LSM4: variants seen among roughly 807,000 people sequenced by gnomAD.
LSM4 encodes the protein LSM4 homolog, U6 small nuclear RNA and mRNA degradation associated, also known as U6 snRNA-associated Sm-like protein LSm4.
Under a neutral mutation model 22.3 loss-of-function variants are expected in LSM4, and 15 were observed. That is an observed-to-expected ratio of 0.67 (90% CI 0.45 to 1.03). The LOEUF (loss-of-function observed/expected upper bound fraction) is 1.03. Ranked by LOEUF, LSM4 falls within the 50% of genes least tolerant of loss-of-function variation. The pLI is 0.00. For missense variants in LSM4, 127 were observed against 198.0 expected, an observed-to-expected ratio of 0.64 and a Z score of 2.15; for synonymous variants, 90 against 79.8, an observed-to-expected ratio of 1.13 and a Z score of -0.68.
chr19:18,308,007 G>A (rs1328221795), intron 4 of LSM4, among the ~76,000 whole-genome samples: 1 of 152,062 alleles, frequency 6.6e-6, no homozygotes, highest in African/African-American at 2.4e-5. Context: ...CTGCCAGGAG[G>A]AAAACAGAAA....
At chr19:18,322,690 G>A (rs1247781118) in intron 1 of LSM4, among the ~76,000 whole-genome samples, 1 of 151,324 alleles carries the variant, frequency 6.6e-6, no homozygotes. Flanking sequence ...CCCCTTCCCT[G>A]CCCAAAAACT....
intron 4 of LSM4, among the ~76,000 whole-genome samples, chr19:18,308,243 C>T (rs530828073): frequency 2.6e-5 from 4 of 152,226 alleles, no homozygotes; most frequent in East Asian, 1.9e-4. Flanking sequence ...GCAGGCTGCA[C>T]GCAGGGCACG....
chr19:18,309,526 TG>T, intron 4 of LSM4, 151 bp downstream of exon 4: 2 of 788,400 alleles, frequency 2.5e-6, no homozygotes, highest in Non-Finnish European at 3.9e-6. Flanking sequence ...CTCCTCTGCC[TG>T]GGCCTCGGCT....
At chr19:18,318,431 C>T (rs1019030532) in intron 1 of LSM4, among the ~76,000 whole-genome samples, 2 of 152,212 alleles carry the variant, frequency 1.3e-5, no homozygotes, top group African/African-American at 2.4e-5. Context: ...CATGTGGCCC[C>T]GGGGCAGCTG....
At chr19:18,322,322 G>A (rs1466983627) in intron 1 of LSM4, among the ~76,000 whole-genome samples, 2 of 152,168 alleles carry the variant, frequency 1.3e-5, no homozygotes, top group South Asian at 2.1e-4. Flanking sequence ...CACAGTGGGG[G>A]ACACGGGCAC....
In LSM4 at chr19:18,307,242, C is replaced by T. The variant is rs150380044; in HGVS notation, c.*222G>A. 6.4e-5 allele frequency: 27 copies of T among 424,396 alleles called. No individual in the cohort carries two copies. In the East Asian group the frequency reaches 7.2e-4, roughly 11 times the overall value. The allele number at this position is 424,396 out of a possible 1,614,324, so 26.3% of individuals were successfully genotyped here. On this transcript the variant is annotated 3_prime_UTR_variant, in exon 5 of 5. Transcript: ENST00000593829. ...TCTAGGAATCCAGCCAGTTTTGGGACGGCCGTTTCACAAAACCAAAAAACA... is the reference window on the plus strand; with the variant it reads ...TCTAGGAATCCAGCCAGTTTTGGGATGGCCGTTTCACAAAACCAAAAAACA...
chr19:18,322,723 C>T (rs931314787), intron 1 of LSM4, among the ~76,000 whole-genome samples: 4 of 152,048 alleles, frequency 2.6e-5, no homozygotes, highest in Non-Finnish European at 5.9e-5. Flanking sequence ...TGGCGGATCC[C>T]CACCTTTTTT....
chr19:18,312,699 C>T lies in LSM4; in HGVS notation c.49G>A (p.Val17Met). The change falls in exon 3 of 5, where the codon GTG becomes ATG. Residue 17 changes from valine to methionine, a missense_variant. Transcript: ENST00000593829. ...LKTAQNHPML[V>M]ELKNGETYNG... Reference sequence around the variant, plus strand: ...TACGTCTCCCCATTTTTCAGCTCCACCAACTAGAAGAGAGACAGGCTAGAG... The same window carrying T: ...TACGTCTCCCCATTTTTCAGCTCCATCAACTAGAAGAGAGACAGGCTAGAG... 1 of 1,612,678 alleles carries T rather than the reference C, an allele frequency of 6.2e-7. No individual in the cohort carries two copies. Among genetic ancestry groups the T allele is most frequent in the Non-Finnish European group, 8.5e-7 (1 of 1,178,788 alleles).
chr19:18,315,627 A>C (rs1412155946), intron 2 of LSM4, among the ~76,000 whole-genome samples: 1 of 151,992 alleles, frequency 6.6e-6, no homozygotes, highest in Non-Finnish European at 1.5e-5. Context: ...CTGCAGCCTC[A>C]AACTCCTGGG....
Position 18,307,535 on chromosome 19 carries a change from G to A in LSM4, c.349C>T (p.Arg117Ter), listed in dbSNP as rs1247414930. ...CTGCCTGTGCCCGGGATCCCACCTC[G>A]GCCCCGGCCACCAAACACACCTAGA... is the stretch of plus-strand genomic sequence containing the variant. The part of the protein sequence containing the change: ...AGRGVFGGRG[R>*]GGIPGTGRGQ... The change falls in exon 5 of 5, where the codon CGA (arginine) becomes TGA (stop). Residue 117 changes from arginine (R) to a stop codon, truncating the protein, a stop_gained. Transcript: ENST00000593829. LOFTEE classifies it high-confidence loss of function. The A allele has an allele frequency of 4.5e-6, 7 of 1,547,332 alleles. No individual in the cohort carries two copies. Among genetic ancestry groups the A allele is most frequent in the South Asian group, 3.6e-5 (3 of 82,940 alleles).
chr19:18,310,132 C>T, intron 3 of LSM4: 1 of 472,794 alleles, frequency 2.1e-6, no homozygotes. Flanking sequence ...CTCCTATCCT[C>T]TGCCCGTGGG....
chr19:18,318,213 G>A (rs1970380196), intron 1 of LSM4, among the ~76,000 whole-genome samples: 1 of 152,188 alleles, frequency 6.6e-6, no homozygotes, highest in African/African-American at 2.4e-5. Flanking sequence ...GAACTTGAAG[G>A]CCTCTCCCTG....
Position 18,323,066 on chromosome 19 carries a change from C to G in LSM4, c.-46G>C. 4 of 1,494,278 alleles carry G rather than the reference C, an allele frequency of 2.7e-6. No homozygotes were observed. Among genetic ancestry groups the G allele is most frequent in the Non-Finnish European group, 3.5e-6 (4 of 1,129,368 alleles). 92.6% of individuals were successfully genotyped at this position (1,494,278 alleles called of 1,614,324 possible). Reference sequence around the variant, plus strand: ...TCGCCGGCCACTTCCGCCGCCGCCGCTGCACACGCTCCCGGCGGTCGTCGC... The same window carrying G: ...TCGCCGGCCACTTCCGCCGCCGCCGGTGCACACGCTCCCGGCGGTCGTCGC... On this transcript the variant is annotated 5_prime_UTR_variant, in exon 1 of 5. Coordinates refer to ENST00000593829, the MANE Select transcript of LSM4 (RefSeq NM_012321.5).
In LSM4 at chr19:18,315,046, G is replaced by A. The variant is rs371910041; in HGVS notation, c.45+978C>T. On this transcript the variant is annotated intron_variant, in intron 2 of 4. Transcript: ENST00000593829. ...ACTGCAGGTGCCCGCCATCACGCCC[G>A]GCTAATTTTTTTGTATTTTTAGTAG... Among the ~76,000 whole-genome samples, 6 of 152,134 alleles carry A rather than the reference G, an allele frequency of 3.9e-5. No individual in the cohort carries two copies. In the South Asian group the frequency reaches 8.3e-4, roughly 21 times the overall value.
chr19:18,322,886 C>CG, intron 1 of LSM4, 132 bp downstream of exon 1: 12 of 1,334,528 alleles, frequency 9.0e-6, no homozygotes, highest in South Asian at 2.5e-5. Flanking sequence ...AGCCTCGTGC[C>CG]GGGGGGCGGG....
At chr19:18,315,400 C>T (rs962725081) in intron 2 of LSM4, among the ~76,000 whole-genome samples, 1 of 152,188 alleles carries the variant, frequency 6.6e-6, no homozygotes, top group African/African-American at 2.4e-5. Flanking sequence ...ATCCTCTAGC[C>T]TCAGCCTCCC....
intron 4 of LSM4, chr19:18,309,463 T>C (rs1218829890): frequency 3.5e-6 from 2 of 568,924 alleles, no homozygotes; most frequent in Non-Finnish European, 3.1e-6. Flanking sequence ...TGATGTGCCC[T>C]GAGGACCGCC....
chr19:18,308,155 G>T (rs894813582), intron 4 of LSM4, among the ~76,000 whole-genome samples: 1 of 152,202 alleles, frequency 6.6e-6, no homozygotes, highest in South Asian at 2.1e-4. Context: ...GGCCACTGGG[G>T]AGGTGACAGG....
intron 1 of LSM4, 38 bp downstream of exon 1, chr19:18,322,980 C>T (rs772344194): frequency 6.3e-7 from 1 of 1,590,950 alleles, no homozygotes; most frequent in South Asian, 1.1e-5. Context: ...CTGCTGTTCC[C>T]GCCTCCCGGT....
Sources: allele counts gnomAD v4.1 joint callset (sites outside exome capture counted in the v4.1 genomes callset), GRCh38; gene constraint gnomAD v4.1.1; transcripts MANE v1.5; gene names NCBI Gene and HGNC (gene_info 2026-07-23, HGNC 2026-07-21).